Variants in MYO6 observed in about 807,000 individuals in gnomAD.
The protein encoded by MYO6 is unconventional myosin-VI.
In MYO6, 74 loss-of-function variants were observed where a neutral mutation model predicts 178.7. The observed-to-expected ratio is 0.41, with a 90% CI of 0.34 to 0.50. MYO6 has a LOEUF of 0.50. MYO6 is among the 20% of genes least tolerant of loss of function. MYO6 has a pLI of 0.09. For synonymous variants in MYO6, 477 were observed against 504.6 expected (o/e 0.95, Z 0.73); for missense variants, 1,330 against 1,547.4 (o/e 0.86, Z 2.36).
intron 30 of MYO6, among the ~76,000 whole-genome samples, chr6:75,907,221 T>C (rs1364820318): frequency 6.6e-6 from 1 of 152,208 alleles, no homozygotes; most frequent in African/African-American, 2.4e-5. Flanking sequence ...AATATGCTTT[T>C]AATGATCTTT....
chr6:75,839,263 G>T (rs923834638), intron 7 of MYO6, among the ~76,000 whole-genome samples: 1 of 151,516 alleles, frequency 6.6e-6, no homozygotes, highest in Non-Finnish European at 1.5e-5. Flanking sequence ...ATCTCGGCTC[G>T]CTGCAAGCTC....
intron 1 of MYO6, among the ~76,000 whole-genome samples, chr6:75,786,910 A>G (rs1217501036): frequency 3.3e-5 from 5 of 152,232 alleles, no homozygotes; most frequent in Non-Finnish European, 7.3e-5. Context: ...TCACTACTAT[A>G]CTTTAAAATC....
At chr6:75,805,719 A>G (rs1436591159) in intron 1 of MYO6, among the ~76,000 whole-genome samples, 1 of 152,228 alleles carries the variant, frequency 6.6e-6, no homozygotes, top group Non-Finnish European at 1.5e-5. Flanking sequence ...TCAGTTGATG[A>G]TGGGGAATTA....
At chr6:75,874,357 A>G (rs190650271) in intron 20 of MYO6, among the ~76,000 whole-genome samples, 49 of 152,316 alleles carry the variant, frequency 3.2e-4, no homozygotes, top group Admixed American at 1.1e-3. Context: ...CATTATCTTT[A>G]AAGGGCTCTC....
Position 75,817,518 on chromosome 6 carries a change from A to C in MYO6, c.-30A>C, listed in dbSNP as rs1485222171. 1.9e-6 allele frequency: 3 copies of C among 1,563,776 alleles called. No individual in the cohort carries two copies. Among genetic ancestry groups the C allele is most frequent in the Non-Finnish European group, 2.6e-6 (3 of 1,134,240 alleles). Reference sequence around the variant, plus strand: ...TGAAACAGGTGACAGTGGATAGTGGAAACAGGAGATCGTGGATCCTCCTTC... The same window carrying C: ...TGAAACAGGTGACAGTGGATAGTGGCAACAGGAGATCGTGGATCCTCCTTC... On this transcript the variant is annotated 5_prime_UTR_variant, in exon 2 of 35. Coordinates refer to ENST00000369977, the MANE Select transcript of MYO6 (RefSeq NM_004999.4).
intron 1 of MYO6, among the ~76,000 whole-genome samples, chr6:75,758,483 T>C (rs887657290): frequency 1.5e-4 from 23 of 152,108 alleles, no homozygotes; most frequent in Non-Finnish European, 2.6e-4. Context: ...TTGTTTGAGA[T>C]GGAGTCTCGC....
chr6:75,837,411 A>G (rs188767688), intron 7 of MYO6, among the ~76,000 whole-genome samples: 7 of 152,258 alleles, frequency 4.6e-5, no homozygotes, highest in Admixed American at 3.3e-4. Flanking sequence ...TTGTTTTTAA[A>G]TTAGAGACAG....
chr6:75,826,759 C>G (rs1772507600), intron 3 of MYO6, among the ~76,000 whole-genome samples: 1 of 152,164 alleles, frequency 6.6e-6, no homozygotes, highest in African/African-American at 2.4e-5. Context: ...CCTCTACCCA[C>G]TTCTTACTCT....
chr6:75,795,341 G>A (rs116328895), intron 1 of MYO6, among the ~76,000 whole-genome samples: 282 of 152,184 alleles, frequency 1.9e-3, no homozygotes, highest in African/African-American at 6.5e-3. Flanking sequence ...GGAAACTGAA[G>A]CTTTTTAACC....
At chr6:75,763,374 T>C (rs750791509) in intron 1 of MYO6, among the ~76,000 whole-genome samples, 22 of 152,180 alleles carry the variant, frequency 1.4e-4, no homozygotes, top group Non-Finnish European at 2.6e-4. Context: ...GTCCCAGTGA[T>C]AATTTCTTTT....
At chr6:75,831,203 G>A (rs1562220884) in intron 5 of MYO6, among the ~76,000 whole-genome samples, 1 of 152,172 alleles carries the variant, frequency 6.6e-6, no homozygotes, top group Non-Finnish European at 1.5e-5. Flanking sequence ...ATGCGGAGGT[G>A]TTAGCTAACC....
chr6:75,878,381 C>T (rs1160280711), intron 20 of MYO6, among the ~76,000 whole-genome samples: 1 of 152,060 alleles, frequency 6.6e-6, no homozygotes, highest in African/African-American at 2.4e-5. Context: ...ATATCTTTGC[C>T]CACAAGTGTG....
intron 33 of MYO6, among the ~76,000 whole-genome samples, chr6:75,912,319 A>G (rs1425562351): frequency 2.0e-5 from 3 of 152,046 alleles, no homozygotes; most frequent in Non-Finnish European, 2.9e-5. Context: ...TCATTTGCCA[A>G]CTGGTTGGAC....
intron 1 of MYO6, among the ~76,000 whole-genome samples, chr6:75,762,646 T>A (rs192440654): frequency 6.6e-6 from 1 of 152,350 alleles, no homozygotes; most frequent in Admixed American, 6.5e-5. Flanking sequence ...ACTTCCCTTC[T>A]GAGCCAGACT....
intron 13 of MYO6, among the ~76,000 whole-genome samples, chr6:75,857,499 A>G (rs1775828920): frequency 6.6e-6 from 1 of 152,228 alleles, no homozygotes; most frequent in Non-Finnish European, 1.5e-5. Flanking sequence ...TGAAACTGCT[A>G]GAGTTAAGGA....
chr6:75,880,061 G>A lies in MYO6; in HGVS notation c.2227G>A (p.Gly743Ser). Residue 743 changes from glycine (G) to serine (S), a missense_variant, in exon 22 of 35, where the codon GGC (glycine) becomes AGC (serine). Physicochemically the swap from Gly to Ser is moderately conservative, Grantham distance 56 (BLOSUM62 0). Coordinates refer to ENST00000369977, the MANE Select transcript of MYO6 (RefSeq NM_004999.4). ...TTTTCAGGCTTTGTTTAAAGCTTTG[G>A]GCTTAAATGAAAATGACTACAAGTT... Reference protein sequence around the residue: ...LFCKALFKALGLNENDYKFGL... With the variant: ...LFCKALFKALSLNENDYKFGL... 6.2e-7 allele frequency: 1 copy of A among 1,612,264 alleles called. No homozygotes were observed. Among genetic ancestry groups the A allele is most frequent in the Non-Finnish European group, 8.5e-7 (1 of 1,179,770 alleles).
At chr6:75,766,916 A>G (rs1490053491) in intron 1 of MYO6, among the ~76,000 whole-genome samples, 1 of 152,228 alleles carries the variant, frequency 6.6e-6, no homozygotes, top group African/African-American at 2.4e-5. Flanking sequence ...AAAATTTGAA[A>G]TAAAAAGTTC....
At chr6:75,890,288 A>G (rs761398329) in intron 26 of MYO6, 23 bp downstream of exon 26, 2 of 1,613,212 alleles carry the variant, frequency 1.2e-6, no homozygotes, top group Admixed American at 3.3e-5. Context: ...TATTATTTTG[A>G]ATAAGAGACT....
intron 2 of MYO6, among the ~76,000 whole-genome samples, chr6:75,820,421 G>A (rs1771752016): frequency 6.6e-6 from 1 of 152,164 alleles, no homozygotes; most frequent in Admixed American, 6.5e-5. Flanking sequence ...CCAGGCTGGA[G>A]TGCAGTGGCA....
Sources: allele counts gnomAD v4.1 joint callset (sites outside exome capture counted in the v4.1 genomes callset), GRCh38; gene constraint gnomAD v4.1.1; transcripts MANE v1.5; gene names NCBI Gene and HGNC (gene_info 2026-07-23, HGNC 2026-07-21).